Variants in ERCC2 observed in about 807,000 individuals in gnomAD.
ERCC2 encodes the protein ERCC excision repair 2, TFIIH core complex helicase subunit.
In ERCC2, 90 loss-of-function variants were observed where a neutral mutation model predicts 99.4. The observed-to-expected ratio is 0.91, with a 90% confidence interval of 0.76 to 1.08. ERCC2 has a LOEUF of 1.08. Ranked by LOEUF, ERCC2 falls within the 50% of genes least tolerant of loss-of-function variation. The probability of loss-of-function intolerance (pLI) is 0.00; values close to 1 mark genes in which losing one functional copy is unlikely to be tolerated. For synonymous variants in ERCC2, 497 were observed against 432.4 expected (o/e 1.15, Z -1.85); for missense variants, 993 against 1,038.1 (o/e 0.96, Z 0.60).
Position 45,351,115 on chromosome 19 carries a change from G to A in ERCC2, c.*514C>T, listed in dbSNP as rs1367778024. 5.0e-6 allele frequency: 8 copies of A among 1,607,476 alleles called. No individual in the cohort carries two copies. The highest frequency in any genetic ancestry group is 5.9e-6 in the Non-Finnish European group (7 of 1,176,602). On this transcript the variant is annotated 3_prime_UTR_variant, in exon 23 of 23. Transcript: ENST00000391945. ...GGTCGGGCCAGTGGTGGAGTCAGCA[G>A]GTGGTGGGTTGGTGTCAGAAGAGAC...
chr19:45,354,640 C>T, intron 17 of ERCC2, 90 bp downstream of exon 17: 2 of 1,547,320 alleles, frequency 1.3e-6, no homozygotes, highest in Non-Finnish European at 1.8e-6. Context: ...AACCTGTCAC[C>T]ATCAGAGTGT....
chr19:45,352,149 G>T, intron 22 of ERCC2, 60 bp downstream of exon 22: 1 of 1,588,934 alleles, frequency 6.3e-7, no homozygotes, highest in East Asian at 2.2e-5. Flanking sequence ...GAATCCAAGG[G>T]GACTTTCTGG....
Position 45,352,555 on chromosome 19 carries a change from C to A in ERCC2, c.1997G>T (p.Arg666Leu). The A allele has an allele frequency of 6.2e-7, 1 of 1,614,102 alleles. No individual in the cohort carries two copies. Among genetic ancestry groups the A allele is most frequent in the Non-Finnish European group, 8.5e-7 (1 of 1,180,026 alleles). ...GTAGTCCGTCTTGCCCCTGATGGCC[C>A]GACCCACACACTGGGCCGCGTGGCG... is the stretch of plus-strand genomic sequence containing the variant. ...AMRHAAQCVG[R>L]AIRGKTDYGL... Residue 666 changes from arginine (R) to leucine (L), a missense_variant, in exon 21 of 23, where the codon CGG becomes CTG. Coordinates refer to ENST00000391945, the MANE Select transcript of ERCC2 (RefSeq NM_000400.4).
At chr19:45,358,005 A>G in intron 12 of ERCC2, 1 of 501,538 alleles carries the variant, frequency 2.0e-6, no homozygotes, top group Non-Finnish European at 3.6e-6. Context: ...CACCCACGCC[A>G]AAGCCAGGAG....
chr19:45,365,096 A>ATAGGAGGC lies in ERCC2; in HGVS notation c.415_422dup (p.Tyr141Ter), dbSNP rs759068484. 1 of 1,614,138 alleles carries ATAGGAGGC rather than the reference A, an allele frequency of 6.2e-7. No homozygotes were observed. Among genetic ancestry groups the ATAGGAGGC allele is most frequent in the Non-Finnish European group, 8.5e-7 (1 of 1,180,016 alleles). On this transcript the variant is annotated stop_gained and frameshift_variant, in exon 6 of 23. Transcript: ENST00000391945. LOFTEE classifies it high-confidence loss of function. ...TGTCATGCTGGTACTGCGCCCGCAC[A>ATAGGAGGC]TAGGAGGCTGTGAGGCTGTGGCATT...
intron 17 of ERCC2, among the ~76,000 whole-genome samples, 180 bp downstream of exon 17, chr19:45,354,550 G>A (rs935939276): frequency 1.3e-5 from 2 of 152,184 alleles, no homozygotes; most frequent in Non-Finnish European, 1.5e-5. Flanking sequence ...TCAGCCTGAT[G>A]TACTGGGGGC....
intron 15 of ERCC2, 109 bp downstream of exon 15, chr19:45,357,161 T>TC (rs1972039610): frequency 1.3e-6 from 1 of 766,426 alleles, no homozygotes; most frequent in South Asian, 1.6e-5. Context: ...GAACCCAGCC[T>TC]CTTCGCTGTA....
intron 5 of ERCC2, among the ~76,000 whole-genome samples, chr19:45,366,589 T>C (rs1972432671): frequency 6.6e-6 from 1 of 152,168 alleles, no homozygotes; most frequent in African/African-American, 2.4e-5. Flanking sequence ...GGGACTCCCC[T>C]TACCCCTGAC....
chr19:45,350,492 T>C lies in ERCC2; in HGVS notation c.*1137A>G. The C allele has an allele frequency of 6.2e-7, 1 of 1,613,448 alleles. No individual in the cohort carries two copies. On this transcript the variant is annotated 3_prime_UTR_variant, in exon 23 of 23. Coordinates refer to ENST00000391945, the MANE Select transcript of ERCC2 (RefSeq NM_000400.4). The stretch of plus-strand genomic sequence containing the variant: ...TGGCTTCTCTATGTCCCCATCTCAG[T>C]GTCCCCCATCTTTCCCCCTAGGTGC...
In ERCC2 at chr19:45,351,397, G is replaced by C. The variant is rs757089337; in HGVS notation, c.*232C>G. On this transcript the variant is annotated 3_prime_UTR_variant, in exon 23 of 23. Coordinates refer to ENST00000391945, the MANE Select transcript of ERCC2 (RefSeq NM_000400.4). ...CGCTGGCCGCAGCTTCTTGGGAACA[G>C]TGCAGGAGGGATGGGCTGGTGGGGT... 13 of 1,603,240 alleles carry C rather than the reference G, an allele frequency of 8.1e-6. No individual in the cohort carries two copies. Among genetic ancestry groups the C allele is most frequent in the Admixed American group, 6.7e-5 (4 of 59,892 alleles).
chr19:45,352,178 G>T, intron 22 of ERCC2, 31 bp downstream of exon 22: 1 of 1,611,680 alleles, frequency 6.2e-7, no homozygotes, highest in Non-Finnish European at 8.5e-7. Flanking sequence ...CTCAGCCTGG[G>T]AGGGTGCCGG....
intron 17 of ERCC2, among the ~76,000 whole-genome samples, chr19:45,354,503 G>C (rs1043730213): frequency 4.6e-5 from 7 of 152,192 alleles, no homozygotes; most frequent in Admixed American, 2.6e-4. Context: ...GTACTCCTCT[G>C]AGGGAGGGGC....
At position 45,350,447 on chromosome 19, in the gene ERCC2, CT is replaced by C. The variant is rs768909208; in HGVS notation, c.*1181del. 6.8e-6 allele frequency: 11 copies of C among 1,613,328 alleles called. No homozygotes were observed. Among genetic ancestry groups the C allele is most frequent in the East Asian group, 2.2e-5 (1 of 44,880 alleles). On this transcript the variant is annotated 3_prime_UTR_variant, in exon 23 of 23. Coordinates refer to ENST00000391945, the MANE Select transcript of ERCC2 (RefSeq NM_000400.4). ...GCCCCTCTCGGTGAGCCCCTAGCCC[CT>C]GTCTGTCTTCCCTCCTGGTGGCTTC...
At chr19:45,366,009 GTCT>G in intron 5 of ERCC2, among the ~76,000 whole-genome samples, 1 of 150,504 alleles carries the variant, frequency 6.6e-6, no homozygotes, top group African/African-American at 2.4e-5. Context: ...GCTAATTTTT[GTCT>G]TCTTAGTTGA....
chr19:45,351,593 G>T lies in ERCC2; in HGVS notation c.*36C>A. ...AACCAGGGCCAGGCAAGACTCAGGA[G>T]TCACCAGGAACCGTTTATGGCCCCA... is the stretch of plus-strand genomic sequence containing the variant. On this transcript the variant is annotated 3_prime_UTR_variant, in exon 23 of 23. Coordinates refer to ENST00000391945, the MANE Select transcript of ERCC2 (RefSeq NM_000400.4). 6.2e-7 allele frequency: 1 copy of T among 1,612,328 alleles called. No homozygotes were observed.
rs1599727617 is a variant in ERCC2 at position 45,353,838 on chromosome 19, T to C, written c.1666-504A>G. Among the ~76,000 whole-genome samples the C allele has an allele frequency of 2.0e-5, 3 of 152,116 alleles. No individual in the cohort carries two copies. The South Asian group carries it at 6.2e-4, about 32-fold the overall frequency. On this transcript the variant is annotated intron_variant, in intron 17 of 22. Coordinates refer to ENST00000391945, the MANE Select transcript of ERCC2 (RefSeq NM_000400.4). ...CCTTGACCCCCTACTTCACACCACA[T>C]AGAAAGATGAATTTGAGGTACCTCA...
At chr19:45,368,842 C>T (rs550789543) in intron 4 of ERCC2, 88 bp downstream of exon 4, 25 of 1,571,002 alleles carry the variant, frequency 1.6e-5, no homozygotes, top group Non-Finnish European at 2.1e-5. Flanking sequence ...CCCAAACACC[C>T]CCGAAAGCTG....
intron 16 of ERCC2, 117 bp from the exon 17 acceptor site, chr19:45,354,968 A>C: frequency 1.5e-6 from 2 of 1,308,350 alleles, no homozygotes; most frequent in Non-Finnish European, 2.2e-6. Context: ...TTTCACACAT[A>C]TCCCCCTCCT....
chr19:45,370,277 TCTCC>T (rs746134394), intron 1 of ERCC2, 45 bp from the exon 2 acceptor site: 19 of 1,602,044 alleles, frequency 1.2e-5, no homozygotes, highest in Non-Finnish European at 1.6e-5. Context: ...CCTCAGCCCC[TCTCC>T]CGCCTCCACA....
Sources: allele counts gnomAD v4.1 joint callset (sites outside exome capture counted in the v4.1 genomes callset), GRCh38; gene constraint gnomAD v4.1.1; transcripts MANE v1.5; gene names NCBI Gene and HGNC (gene_info 2026-07-23, HGNC 2026-07-21).